Variants in PCDHA1 observed in about 807,000 individuals in gnomAD.
The protein encoded by PCDHA1 is protocadherin alpha-1.
Under a neutral mutation model 61.3 loss-of-function variants are expected in PCDHA1, and 42 were observed. The ratio of observed to expected loss-of-function variants is 0.69; its 90% confidence interval spans 0.54 to 0.89. PCDHA1 has a LOEUF of 0.89. Among genes scored for constraint, PCDHA1 ranks in the 40% least tolerant of loss-of-function variants. PCDHA1 has a pLI of 0.00. For synonymous variants in PCDHA1, 610 were observed against 553.8 expected (o/e 1.10, Z -1.43); for missense variants, 1,256 against 1,235.3 (o/e 1.02, Z -0.25).
intron 1 of PCDHA1, chr5:140,883,340 C>T (rs2059560429): frequency 6.2e-7 from 1 of 1,614,140 alleles, no homozygotes; most frequent in Non-Finnish European, 8.5e-7. Flanking sequence ...TTTGTCACTC[C>T]CCATCAGAGA....
intron 1 of PCDHA1, chr5:140,858,724 G>A: frequency 2.0e-6 from 1 of 491,474 alleles, no homozygotes; most frequent in South Asian, 3.0e-5. Flanking sequence ...TTGCAGTTCT[G>A]ACGATTTACT....
chr5:140,843,509 G>A, intron 1 of PCDHA1: 1 of 1,595,970 alleles, frequency 6.3e-7, no homozygotes. Context: ...GCCCACTGAG[G>A]GCGGGTGCCG....
intron 1 of PCDHA1, among the ~76,000 whole-genome samples, chr5:140,936,295 C>T (rs1482125698): frequency 1.3e-5 from 2 of 152,182 alleles, no homozygotes; most frequent in African/African-American, 4.8e-5. Context: ...TATAACATTG[C>T]TATCCAATAG....
intron 1 of PCDHA1, chr5:140,875,344 A>G: frequency 1.4e-6 from 2 of 1,442,996 alleles, no homozygotes; most frequent in East Asian, 2.5e-5. Context: ...TCGACTCCAT[A>G]ATGACTGTGA....
At chr5:141,005,687 G>A (rs1454342103) in intron 3 of PCDHA1, among the ~76,000 whole-genome samples, 3 of 116,164 alleles carry the variant, frequency 2.6e-5, no homozygotes, top group African/African-American at 7.0e-5. Context: ...GGGCGACAGA[G>A]CGAAACTCCG....
chr5:140,959,293 C>G (rs1554223990), intron 1 of PCDHA1, among the ~76,000 whole-genome samples: 1 of 152,088 alleles, frequency 6.6e-6, no homozygotes, highest in African/African-American at 2.4e-5. Context: ...GGGAGCATCA[C>G]TGAGCCCGGT....
intron 3 of PCDHA1, among the ~76,000 whole-genome samples, chr5:140,987,130 C>G (rs1220504537): frequency 6.6e-6 from 1 of 151,648 alleles, no homozygotes; most frequent in East Asian, 1.9e-4. Context: ...AGGAGAATTG[C>G]TTGAACTCGG....
chr5:140,938,753 T>G (rs1381426227), intron 1 of PCDHA1, among the ~76,000 whole-genome samples: 3 of 152,170 alleles, frequency 2.0e-5, no homozygotes, highest in Admixed American at 1.3e-4. Flanking sequence ...TTTAAAGGCA[T>G]AGTTATTGGG....
Position 140,836,254 on chromosome 5 carries a change from T to C in PCDHA1, c.2394+47570T>C, listed in dbSNP as rs1644784516. ...GCCGGTGCGAGCATCCCGTTCCGCG[T>C]GGGGCTGTACACTGGTGAGATCAGC... On this transcript the variant is annotated intron_variant, in intron 1 of 3. Transcript: ENST00000504120. 7 of 1,613,670 alleles carry C rather than the reference T, an allele frequency of 4.3e-6. No individual in the cohort carries two copies. Among genetic ancestry groups the C allele is most frequent in the Non-Finnish European group, 5.1e-6 (6 of 1,179,780 alleles).
chr5:140,826,677 TA>T (rs1447627266), intron 1 of PCDHA1, among the ~76,000 whole-genome samples: 1 of 152,092 alleles, frequency 6.6e-6, no homozygotes, highest in Non-Finnish European at 1.5e-5. Context: ...TAGACGTAAT[TA>T]AAAAAACCCA....
At chr5:140,888,686 T>C (rs1326536229) in intron 1 of PCDHA1, among the ~76,000 whole-genome samples, 1 of 152,214 alleles carries the variant, frequency 6.6e-6, no homozygotes, top group Non-Finnish European at 1.5e-5. Context: ...AAGAGGTCTC[T>C]CTTCTCTGAT....
At chr5:140,912,170 T>C (rs961907962) in intron 1 of PCDHA1, among the ~76,000 whole-genome samples, 6 of 152,202 alleles carry the variant, frequency 3.9e-5, no homozygotes, top group African/African-American at 9.7e-5. Flanking sequence ...CTGGCTGTGC[T>C]GGCAGCTGAT....
intron 1 of PCDHA1, chr5:140,815,625 G>C (rs1377672978): frequency 2.0e-5 from 3 of 152,002 alleles, no homozygotes; most frequent in African/African-American, 7.2e-5. Context: ...CACCATTACA[G>C]TATTATAGTA....
chr5:140,843,196 G>A (rs2150355144), intron 1 of PCDHA1: 4 of 1,595,956 alleles, frequency 2.5e-6, no homozygotes, highest in Non-Finnish European at 3.4e-6. Flanking sequence ...TCCGCGTGGG[G>A]CTGTACACGG....
At chr5:140,813,005 T>A (rs1765210472) in intron 1 of PCDHA1, 1 of 152,232 alleles carries the variant, frequency 6.6e-6, no homozygotes, top group African/African-American at 2.4e-5. Flanking sequence ...AGAAAAGATA[T>A]TTAGTAGGAT....
chr5:140,843,613 A>G, intron 1 of PCDHA1: 1 of 1,596,056 alleles, frequency 6.3e-7, no homozygotes, highest in Non-Finnish European at 8.6e-7. Context: ...GTGAGGGGCC[A>G]CCGAAGACGG....
At chr5:140,893,498 A>G (rs1471386820) in intron 1 of PCDHA1, among the ~76,000 whole-genome samples, 2 of 151,410 alleles carry the variant, frequency 1.3e-5, no homozygotes, top group Admixed American at 6.6e-5. Flanking sequence ...CACAAAAAAG[A>G]AAAAAAAAGC....
In PCDHA1 at chr5:141,010,293, GC is replaced by G; in HGVS notation, c.*357del. The G allele has an allele frequency of 6.5e-7, 1 of 1,549,794 alleles. No individual in the cohort carries two copies. The highest frequency in any genetic ancestry group is 8.7e-7 in the Non-Finnish European group (1 of 1,146,454). On this transcript the variant is annotated 3_prime_UTR_variant, in exon 4 of 4. Transcript: ENST00000504120. ...ATCCTGTCTTGATGACACTTGCAGG[GC>G]AGGCTGAAAAGTTTTGAGATTGAGC...
intron 1 of PCDHA1, chr5:140,830,451 A>G: frequency 6.3e-7 from 1 of 1,597,306 alleles, no homozygotes; most frequent in South Asian, 1.1e-5. Context: ...GGTAAGGCGG[A>G]GAATCAGGAT....
Sources: allele counts gnomAD v4.1 joint callset (sites outside exome capture counted in the v4.1 genomes callset), GRCh38; gene constraint gnomAD v4.1.1; transcripts MANE v1.5; gene names NCBI Gene and HGNC (gene_info 2026-07-23, HGNC 2026-07-21).